The following SHROOM3 variants were observed in gnomAD, a reference collection of about 807,000 sequenced individuals.
The protein encoded by SHROOM3 is protein Shroom3.
In SHROOM3, 47 loss-of-function variants were observed where a neutral mutation model predicts 138.6. That is an observed-to-expected ratio of 0.34 (90% confidence interval 0.27 to 0.43). The LOEUF is 0.43. Among genes scored for constraint, SHROOM3 ranks in the 20% least tolerant of loss-of-function variants. The probability of loss-of-function intolerance (pLI) is 1.00; values close to 1 mark genes in which losing one functional copy is unlikely to be tolerated. For synonymous variants in SHROOM3, 1,062 were observed against 1,063.3 expected (o/e 1.00, Z 0.02); for missense variants, 2,491 against 2,596.5 (o/e 0.96, Z 0.88).
chr4:76,543,284 T>A (rs1027817627), intron 1 of SHROOM3, among the ~76,000 whole-genome samples: 7 of 152,014 alleles, frequency 4.6e-5, no homozygotes, highest in Non-Finnish European at 8.8e-5. Context: ...AACTGAGTCT[T>A]GAAAGGTGAG....
chr4:76,489,789 T>TAG lies in SHROOM3; in HGVS notation c.168+53572_168+53573dup, dbSNP rs1284478142. Among the ~76,000 whole-genome samples, 9 of 152,248 alleles carry TAG rather than the reference T, an allele frequency of 5.9e-5. No individual in the cohort carries two copies. In the East Asian group the frequency reaches 1.7e-3, roughly 29 times the overall value. On this transcript the variant is annotated intron_variant, in intron 1 of 10. Coordinates refer to ENST00000296043, the MANE Select transcript of SHROOM3 (RefSeq NM_020859.4). Reference sequence around the variant, plus strand: ...ATAAAATGGATATCAAGTAGCAGATTAGAGGGACATAGTTGTGTCACCGGT... The same window carrying TAG: ...ATAAAATGGATATCAAGTAGCAGATTAGAGAGGGACATAGTTGTGTCACCGGT...
chr4:76,513,935 G>A (rs1732392638), intron 1 of SHROOM3, among the ~76,000 whole-genome samples: 2 of 152,280 alleles, frequency 1.3e-5, no homozygotes, highest in Admixed American at 6.5e-5. Context: ...TGGAGTAGGG[G>A]TAGAACCCTT....
At chr4:76,606,883 G>A (rs1403280127) in intron 2 of SHROOM3, among the ~76,000 whole-genome samples, 1 of 152,084 alleles carries the variant, frequency 6.6e-6, no homozygotes, top group Non-Finnish European at 1.5e-5. Context: ...TGTAGAAAGT[G>A]GTCTTGGTAT....
chr4:76,438,121 GGCT>G lies in SHROOM3; in HGVS notation c.168+1906_168+1908del, dbSNP rs377651761. 1.1e-3 allele frequency among the ~76,000 whole-genome samples: 174 copies of G among 152,290 alleles called. 3 individuals are homozygous for G. The East Asian group carries it at 0.021, about 18-fold the overall frequency. Reference sequence around the variant, plus strand: ...GACATGTGTAGTAGGAGACAGGTCTGGCTGCTGTAAAAAGATCCAAAATAACAA... The same window carrying G: ...GACATGTGTAGTAGGAGACAGGTCTGGCTGTAAAAAGATCCAAAATAACAA... On this transcript the variant is annotated intron_variant, in intron 1 of 10. Transcript: ENST00000296043.
intron 3 of SHROOM3, among the ~76,000 whole-genome samples, chr4:76,714,237 C>T (rs1720310219): frequency 6.6e-6 from 1 of 152,178 alleles, no homozygotes; most frequent in South Asian, 2.1e-4. Flanking sequence ...CCATTCTTTC[C>T]CATTAATGTC....
intron 4 of SHROOM3, among the ~76,000 whole-genome samples, chr4:76,733,045 T>C (rs1402340693): frequency 1.3e-5 from 2 of 152,138 alleles, no homozygotes; most frequent in African/African-American, 2.4e-5. Flanking sequence ...GGGTATGTAT[T>C]AACAGAGTGC....
intron 1 of SHROOM3, among the ~76,000 whole-genome samples, chr4:76,519,644 C>G (rs949100444): frequency 6.6e-6 from 1 of 152,150 alleles, no homozygotes; most frequent in African/African-American, 2.4e-5. Context: ...TATGAAGAGG[C>G]AGGTGCCAAA....
In SHROOM3 at chr4:76,584,318, AAG is replaced by A. The variant is rs1370211315; in HGVS notation, c.323+28557_323+28558del. Among the ~76,000 whole-genome samples the A allele has an allele frequency of 7.2e-5, 11 of 152,166 alleles. No homozygotes were observed. The South Asian group carries it at 2.3e-3, about 32-fold the overall frequency. The stretch of plus-strand genomic sequence containing the variant: ...GGCGACAGAGCAAGACTGCATCTCA[AAG>A]AAAAAAAAAAAAAAGAGTCACATAG... On this transcript the variant is annotated intron_variant, in intron 2 of 10. Transcript: ENST00000296043.
chr4:76,741,011 G>A lies in SHROOM3; in HGVS notation c.2838G>A (p.Leu946=). Reference sequence around the variant, plus strand: ...CCACCTCCTTTCGACGTCGAGACCTGGAGCTGGGGGCGCCCGTGGCGTCGA... The same window carrying A: ...CCACCTCCTTTCGACGTCGAGACCTAGAGCTGGGGGCGCCCGTGGCGTCGA... ...LGATSFRRRD[L]ELGAPVASRS... Residue 946 remains leucine, a synonymous_variant, in exon 5 of 11, where the codon CTG becomes CTA. Coordinates refer to ENST00000296043, the MANE Select transcript of SHROOM3 (RefSeq NM_020859.4). The surrounding 1 kb of genome is among the most constrained non-coding windows in gnomAD (Gnocchi z 6.2). 1 of 1,486,856 alleles carries A rather than the reference G, an allele frequency of 6.7e-7. No individual in the cohort carries two copies. Among genetic ancestry groups the A allele is most frequent in the Non-Finnish European group, 8.9e-7 (1 of 1,122,476 alleles). 92.1% of individuals were successfully genotyped at this position (1,486,856 alleles called of 1,614,324 possible).
At chr4:76,585,412 C>CT (rs1245082241) in intron 2 of SHROOM3, among the ~76,000 whole-genome samples, 2 of 152,072 alleles carry the variant, frequency 1.3e-5, no homozygotes, top group Non-Finnish European at 2.9e-5. Flanking sequence ...TGTGCTGTTC[C>CT]TTTTCTCTTT....
chr4:76,715,823 A>C (rs1052962096), intron 3 of SHROOM3, among the ~76,000 whole-genome samples: 4 of 152,170 alleles, frequency 2.6e-5, no homozygotes, highest in Non-Finnish European at 5.9e-5. Context: ...TCATGACAGT[A>C]CATCTTAGGA....
intron 2 of SHROOM3, among the ~76,000 whole-genome samples, chr4:76,578,548 T>C (rs1366007803): frequency 2.6e-5 from 4 of 152,228 alleles, no homozygotes; most frequent in African/African-American, 9.7e-5. Context: ...TTTATTTCTT[T>C]CAGACTTGAT....
intron 2 of SHROOM3, among the ~76,000 whole-genome samples, chr4:76,656,492 C>T (rs187757818): frequency 2.0e-4 from 30 of 152,304 alleles, no homozygotes; most frequent in Non-Finnish European, 4.1e-4. Context: ...ATTTTATTCA[C>T]TCTTTATATC....
At chr4:76,552,025 C>T (rs1468793674) in intron 1 of SHROOM3, among the ~76,000 whole-genome samples, 2 of 74,954 alleles carry the variant, frequency 2.7e-5, no homozygotes, top group South Asian at 8.0e-4. Flanking sequence ...TCACGCCCGG[C>T]TAATTTTTTG....
chr4:76,741,180 G>A lies in SHROOM3; in HGVS notation c.3007G>A (p.Ala1003Thr), dbSNP rs754683739. ...GDLARPVPPA[A>T]RRGARRRLTP... is the part of the protein sequence containing the mutation. ...CCTGGCCAGGCCCGTGCCCCCTGCCGCCCGGAGAGGTGCTCGCCGGCGCCT... is the reference window on the plus strand; with the variant it reads ...CCTGGCCAGGCCCGTGCCCCCTGCCACCCGGAGAGGTGCTCGCCGGCGCCT... The change falls in exon 5 of 11, where the codon GCC (alanine) becomes ACC (threonine). Residue 1003 changes from alanine (A) to threonine (T), a missense_variant. Physicochemically the swap from Ala to Thr is moderately conservative, Grantham distance 58. Transcript: ENST00000296043. The surrounding 1 kb of genome is among the most constrained non-coding windows in gnomAD (Gnocchi z 6.2). 3.8e-6 allele frequency: 6 copies of A among 1,590,918 alleles called. No homozygotes were observed. The East Asian group carries it at 6.9e-5, about 18-fold the overall frequency.
intron 2 of SHROOM3, among the ~76,000 whole-genome samples, chr4:76,672,814 G>A (rs1232521035): frequency 4.6e-5 from 7 of 152,114 alleles, no homozygotes; most frequent in East Asian, 1.9e-4. Flanking sequence ...CTCGTGATCC[G>A]CCTGCCTCGG....
intron 2 of SHROOM3, chr4:76,638,990 A>C (rs2110079267): frequency 6.6e-6 from 1 of 152,270 alleles, no homozygotes; most frequent in African/African-American, 2.4e-5. Context: ...CAGACCAACC[A>C]AGAACTCCTA....
In SHROOM3 at chr4:76,741,873, G is replaced by A. The variant is rs1247695171; in HGVS notation, c.3700G>A (p.Gly1234Ser). 1 of 1,611,904 alleles carries A rather than the reference G, an allele frequency of 6.2e-7. No individual in the cohort carries two copies. The highest frequency in any genetic ancestry group is 8.5e-7 in the Non-Finnish European group (1 of 1,179,832). ...GCTGGAACGCTCGGACGTCCTTGCGGGCCCTGTCCATGTGAGGTCCAGGTC... is the reference window on the plus strand; with the variant it reads ...GCTGGAACGCTCGGACGTCCTTGCGAGCCCTGTCCATGTGAGGTCCAGGTC... ...DLLERSDVLAGPVHVRSRSSP... is the reference protein window; with the variant it reads ...DLLERSDVLASPVHVRSRSSP... Residue 1234 changes from glycine (G) to serine (S), a missense_variant, in exon 5 of 11, where the codon GGC (glycine) becomes AGC (serine). By Grantham distance (56) the Gly-to-Ser change is moderately conservative. Coordinates refer to ENST00000296043, the MANE Select transcript of SHROOM3 (RefSeq NM_020859.4). The surrounding 1 kb of genome is among the most constrained non-coding windows in gnomAD (Gnocchi z 6.2).
chr4:76,753,180 G>A (rs983770590), intron 6 of SHROOM3, among the ~76,000 whole-genome samples: 5 of 152,310 alleles, frequency 3.3e-5, no homozygotes, highest in African/African-American at 1.2e-4. Context: ...TGAATGAAAG[G>A]GACTGGTCAT....
Sources: gnomAD v4.1 joint callset for allele counts (sites outside exome capture counted in the v4.1 genomes callset) on GRCh38, gnomAD v4.1.1 for gene constraint, Gnocchi (gnomAD v3.1) non-coding constraint, MANE v1.5 for transcripts, NCBI Gene and HGNC (gene_info 2026-07-23, HGNC 2026-07-21) for gene names.